The following CNBD1 variants were observed in gnomAD, a reference collection of about 807,000 sequenced individuals.
The protein encoded by CNBD1 is cyclic nucleotide-binding domain-containing protein 1.
Under a neutral mutation model 54.4 loss-of-function variants are expected in CNBD1, and 71 were observed. The observed-to-expected ratio is 1.30, with a 90% CI of 1.08 to 1.59. The LOEUF (loss-of-function observed/expected upper bound fraction) is 1.59, where lower values mean the gene tolerates loss of function less well. CNBD1 is among the 40% of genes most tolerant of loss of function. The probability of loss-of-function intolerance (pLI) is 0.00; values close to 1 mark genes in which losing one functional copy is unlikely to be tolerated. For missense variants in CNBD1, 659 were observed against 518.0 expected (o/e 1.27, Z -2.64); for synonymous variants, 182 against 170.7 (o/e 1.07, Z -0.51).
At chr8:86,925,640 G>A (rs1809346132) in intron 3 of CNBD1, among the ~76,000 whole-genome samples, 1 of 151,260 alleles carries the variant, frequency 6.6e-6, no homozygotes, top group Admixed American at 6.6e-5. Flanking sequence ...ATGCACTTTG[G>A]GAGGCCAAGG....
chr8:86,925,860 TGA>T (rs1306045963), intron 3 of CNBD1, among the ~76,000 whole-genome samples: 2 of 151,924 alleles, frequency 1.3e-5, no homozygotes, highest in African/African-American at 4.8e-5. Context: ...AACTTGGCAG[TGA>T]GTGTTACAGC....
At chr8:87,331,166 T>A (rs1218736783) in intron 8 of CNBD1, among the ~76,000 whole-genome samples, 1 of 152,160 alleles carries the variant, frequency 6.6e-6, no homozygotes, top group Non-Finnish European at 1.5e-5. Flanking sequence ...ATTCCTTAGA[T>A]TTTAAGTCCG....
At chr8:87,045,657 G>A (rs554527809) in intron 4 of CNBD1, among the ~76,000 whole-genome samples, 3 of 150,488 alleles carry the variant, frequency 2.0e-5, no homozygotes, top group Non-Finnish European at 3.0e-5. Flanking sequence ...CCCGGTAGGC[G>A]GAGCTTGCAG....
intron 8 of CNBD1, among the ~76,000 whole-genome samples, chr8:87,341,490 C>T (rs941435898): frequency 6.6e-6 from 1 of 152,158 alleles, no homozygotes; most frequent in African/African-American, 2.4e-5. Flanking sequence ...GTAGTGTAAA[C>T]TCTTCTAATA....
intron 4 of CNBD1, among the ~76,000 whole-genome samples, chr8:87,089,025 C>T (rs1159415102): frequency 6.6e-6 from 1 of 151,964 alleles, no homozygotes; most frequent in African/African-American, 2.4e-5. Context: ...CGGGAAGCTT[C>T]ATAAAGAATA....
chr8:87,265,802 A>G (rs990036579), intron 6 of CNBD1, among the ~76,000 whole-genome samples: 7 of 152,138 alleles, frequency 4.6e-5, no homozygotes, highest in African/African-American at 1.2e-4. Context: ...AATATGTACT[A>G]TATTGTCTAT....
chr8:87,349,379 A>G (rs1032905132), intron 8 of CNBD1, among the ~76,000 whole-genome samples: 3 of 152,068 alleles, frequency 2.0e-5, no homozygotes, highest in African/African-American at 4.8e-5. Context: ...AAGTGTGAAG[A>G]TACAATTTTT....
intron 4 of CNBD1, among the ~76,000 whole-genome samples, chr8:87,020,043 A>T (rs1249651526): frequency 4.6e-5 from 7 of 152,132 alleles, no homozygotes; most frequent in Non-Finnish European, 1.0e-4. Context: ...CTGGCTCATT[A>T]GTTTGTTTAT....
chr8:87,389,190 C>G (rs369530017), intron 2 of CNBD1, among the ~76,000 whole-genome samples: 29 of 152,260 alleles, frequency 1.9e-4, no homozygotes, highest in African/African-American at 6.0e-4. Flanking sequence ...AAAACTGGCA[C>G]AAGACAGGGA....
At chr8:86,922,315 G>A (rs1401640274) in intron 3 of CNBD1, among the ~76,000 whole-genome samples, 3 of 152,000 alleles carry the variant, frequency 2.0e-5, no homozygotes, top group South Asian at 4.2e-4. Flanking sequence ...GAGACAAAAA[G>A]GAAGAAAGGA....
At chr8:87,417,044 A>G (rs1392130655) in intron 2 of CNBD1, among the ~76,000 whole-genome samples, 4 of 152,076 alleles carry the variant, frequency 2.6e-5, no homozygotes, top group Non-Finnish European at 5.9e-5. Flanking sequence ...TTGATGGGAT[A>G]AAGAACAAAA....
intron 4 of CNBD1, among the ~76,000 whole-genome samples, chr8:87,012,180 C>A (rs1476823570): frequency 6.6e-6 from 1 of 152,036 alleles, no homozygotes; most frequent in Non-Finnish European, 1.5e-5. Context: ...AAATTTTTGT[C>A]CATTTGATAG....
At chr8:87,055,076 C>T (rs1810385714) in intron 4 of CNBD1, among the ~76,000 whole-genome samples, 1 of 152,164 alleles carries the variant, frequency 6.6e-6, no homozygotes, top group African/African-American at 2.4e-5. Flanking sequence ...ACTAATAAAA[C>T]AGTATAGGGT....
chr8:87,018,135 C>T (rs1373305732), intron 4 of CNBD1, among the ~76,000 whole-genome samples: 4 of 151,992 alleles, frequency 2.6e-5, no homozygotes, highest in Non-Finnish European at 4.4e-5. Flanking sequence ...CCCAGCTACT[C>T]GGGAGGCTGA....
chr8:87,110,667 A>C (rs1020787217), intron 4 of CNBD1, among the ~76,000 whole-genome samples: 2 of 152,238 alleles, frequency 1.3e-5, no homozygotes, highest in Non-Finnish European at 2.9e-5. Context: ...TCTGTTCATC[A>C]AGCATAATTT....
intron 8 of CNBD1, among the ~76,000 whole-genome samples, chr8:87,317,417 G>A (rs1809412763): frequency 6.6e-6 from 1 of 151,250 alleles, no homozygotes; most frequent in African/African-American, 2.4e-5. Flanking sequence ...CAGTTTTCCT[G>A]TAGATTTCTC....
chr8:87,264,574 A>G (rs1025661784), intron 6 of CNBD1, among the ~76,000 whole-genome samples: 14 of 152,142 alleles, frequency 9.2e-5, no homozygotes, highest in African/African-American at 3.1e-4. Context: ...GAATCACCAC[A>G]CTGTCTTCCA....
At chr8:87,084,660 G>A (rs1398719812) in intron 4 of CNBD1, among the ~76,000 whole-genome samples, 1 of 151,070 alleles carries the variant, frequency 6.6e-6, no homozygotes, top group Non-Finnish European at 1.5e-5. Flanking sequence ...GATGTATTTA[G>A]TTTTCTTTCT....
chr8:87,075,613 G>T (rs1161696133), intron 4 of CNBD1, among the ~76,000 whole-genome samples: 1 of 151,986 alleles, frequency 6.6e-6, no homozygotes, highest in African/African-American at 2.4e-5. Context: ...AGTGAGTCAG[G>T]GAAGTCAATT....
Sources: allele counts gnomAD v4.1 joint callset (sites outside exome capture counted in the v4.1 genomes callset), GRCh38; gene constraint gnomAD v4.1.1; transcripts MANE v1.5; gene names NCBI Gene and HGNC (gene_info 2026-07-23, HGNC 2026-07-21).